The following ADD3 variants were observed in gnomAD, a reference collection of about 807,000 sequenced individuals.
ADD3 encodes adducin 3, also known as gamma-adducin.
ADD3 carries 25 observed loss-of-function variants against 80.2 expected under a neutral mutation model. That is an observed-to-expected ratio of 0.31 (90% CI 0.23 to 0.44). ADD3 has a LOEUF of 0.44. ADD3 is among the 20% of genes least tolerant of loss of function. ADD3 has a pLI of 1.00. For synonymous variants in ADD3, 284 were observed against 289.6 expected (o/e 0.98, Z 0.20); for missense variants, 829 against 847.5 (o/e 0.98, Z 0.27).
At chr10:110,061,954 C>T (rs1190621903) in intron 1 of ADD3, among the ~76,000 whole-genome samples, 7 of 151,994 alleles carry the variant, frequency 4.6e-5, no homozygotes, top group Admixed American at 1.3e-4. Context: ...AGGCCAGACA[C>T]GGTGGCTCAC....
chr10:110,117,677 TACCACCC>T, intron 5 of ADD3, among the ~76,000 whole-genome samples: 1 of 151,628 alleles, frequency 6.6e-6, no homozygotes. Flanking sequence ...TTTTTTTTTT[TACCACCC>T]TATACACTCA....
At chr10:110,072,163 G>A (rs750869486) in intron 1 of ADD3, among the ~76,000 whole-genome samples, 4 of 152,198 alleles carry the variant, frequency 2.6e-5, no homozygotes, top group East Asian at 3.9e-4. Context: ...CTGGGTTCAC[G>A]CAATTCTCCT....
upstream of ADD3, among the ~76,000 whole-genome samples, chr10:110,000,906 A>T (rs903938232): frequency 6.6e-6 from 1 of 152,228 alleles, no homozygotes; most frequent in African/African-American, 2.4e-5. Context: ...AAGAGCTCAA[A>T]ATTTTAGCCA....
chr10:110,087,732 T>G (rs1040308406), intron 1 of ADD3, among the ~76,000 whole-genome samples: 1 of 152,238 alleles, frequency 6.6e-6, no homozygotes, highest in African/African-American at 2.4e-5. Context: ...ATTCACACTG[T>G]TGATGGTAAA....
At chr10:110,052,159 G>GA (rs1004628728) in intron 1 of ADD3, among the ~76,000 whole-genome samples, 11 of 151,826 alleles carry the variant, frequency 7.2e-5, no homozygotes, top group Non-Finnish European at 7.4e-5. Context: ...TAAGTGAATT[G>GA]AAAAAAAATG....
At chr10:110,092,836 G>A (rs1232353667) in intron 1 of ADD3, among the ~76,000 whole-genome samples, 2 of 151,770 alleles carry the variant, frequency 1.3e-5, no homozygotes, top group South Asian at 2.1e-4. Flanking sequence ...GATACTGGTC[G>A]CCTTTTCATA....
intron 1 of ADD3, among the ~76,000 whole-genome samples, chr10:110,071,189 C>G (rs1844661109): frequency 6.6e-6 from 1 of 152,028 alleles, no homozygotes; most frequent in South Asian, 2.1e-4. Context: ...AAAATGATGT[C>G]TCATAGTTGG....
At position 110,133,344 on chromosome 10, in the gene ADD3, C is replaced by T; in HGVS notation, c.1847C>T (p.Ser616Phe). Residue 616 changes from serine (S) to phenylalanine (F), a missense_variant, in exon 15 of 15, where the codon TCC (serine) becomes TTC (phenylalanine). Ser to Phe is a radical substitution (Grantham distance 155). Transcript: ENST00000356080. Reference sequence around the variant, plus strand: ...TTCGTAGAAAACCATGAGCTGTTTTCCAAGAGCTTCATCTCCATGGAAGTG... The same window carrying T: ...TTCGTAGAAAACCATGAGCTGTTTTTCAAGAGCTTCATCTCCATGGAAGTG... Reference protein sequence around the residue: ...EKLEENHELFSKSFISMEVPV... With the variant: ...EKLEENHELFFKSFISMEVPV... The T allele has an allele frequency of 1.3e-6, 2 of 1,585,162 alleles. No homozygotes were observed. The highest frequency in any genetic ancestry group is 1.7e-6 in the Non-Finnish European group (2 of 1,158,728).
chr10:110,051,993 G>C (rs1427061985), intron 1 of ADD3, among the ~76,000 whole-genome samples: 1 of 152,208 alleles, frequency 6.6e-6, no homozygotes. Flanking sequence ...TAGAGACAAG[G>C]TCTTGCCATG....
intron 1 of ADD3, among the ~76,000 whole-genome samples, chr10:110,069,069 C>T (rs1844352038): frequency 6.6e-6 from 1 of 151,458 alleles, no homozygotes; most frequent in Admixed American, 6.6e-5. Flanking sequence ...AGAGTGGGAC[C>T]CTGTCTTAAA....
chr10:110,089,216 G>C (rs1162385158), intron 1 of ADD3, among the ~76,000 whole-genome samples: 1 of 151,700 alleles, frequency 6.6e-6, no homozygotes, highest in Non-Finnish European at 1.5e-5. Flanking sequence ...TACCAAATAA[G>C]AATCAAAGAC....
intron 1 of ADD3, among the ~76,000 whole-genome samples, chr10:110,062,526 G>A (rs1318162622): frequency 6.6e-6 from 1 of 152,202 alleles, no homozygotes; most frequent in South Asian, 2.1e-4. Context: ...GCTGCAGCGA[G>A]CTGTGATCTC....
chr10:110,117,525 A>T, intron 5 of ADD3, 103 bp downstream of exon 5: 1 of 687,370 alleles, frequency 1.5e-6, no homozygotes, highest in South Asian at 1.7e-5. Context: ...ATGGATGGAA[A>T]AACATTTACT....
chr10:110,007,900 C>G (rs1249461390), upstream of ADD3: 1 of 11,340 alleles, frequency 8.8e-5, no homozygotes, highest in Non-Finnish European at 1.9e-4. Context: ...GGGGCGTGAC[C>G]GGGGGGGGCG....
chr10:110,014,770 A>T (rs535377765), intron 1 of ADD3, among the ~76,000 whole-genome samples: 1 of 151,374 alleles, frequency 6.6e-6, no homozygotes, highest in South Asian at 2.1e-4. Context: ...CAGGTGATCC[A>T]CCCGCCTCGG....
At chr10:110,079,315 T>A (rs1210234575) in intron 1 of ADD3, 1 of 151,962 alleles carries the variant, frequency 6.6e-6, no homozygotes, top group Non-Finnish European at 1.5e-5. Context: ...TACTAAAAAA[T>A]GCATATGGTA....
At chr10:110,041,067 G>GCTGT (rs1409344079) in intron 1 of ADD3, among the ~76,000 whole-genome samples, 1 of 151,054 alleles carries the variant, frequency 6.6e-6, no homozygotes, top group Non-Finnish European at 1.5e-5. Context: ...TATCTCCCTC[G>GCTGT]CTGTCTCTCT....
intron 2 of ADD3, among the ~76,000 whole-genome samples, chr10:110,106,204 G>A (rs185506468): frequency 6.6e-6 from 1 of 151,134 alleles, no homozygotes; most frequent in East Asian, 1.9e-4. Flanking sequence ...AAAACATCCA[G>A]ATGTGGATAT....
chr10:110,013,883 G>A (rs1016873941), intron 1 of ADD3, among the ~76,000 whole-genome samples: 5 of 152,188 alleles, frequency 3.3e-5, no homozygotes, highest in Non-Finnish European at 7.3e-5. Context: ...CAATCAGGTT[G>A]GAGAAGTGCT....
Sources: allele counts gnomAD v4.1 joint callset (sites outside exome capture counted in the v4.1 genomes callset), GRCh38; gene constraint gnomAD v4.1.1; transcripts MANE v1.5; gene names NCBI Gene and HGNC (gene_info 2026-07-23, HGNC 2026-07-21).